Variants in FHIT observed in about 807,000 individuals in gnomAD.
FHIT encodes the protein bis(5'-adenosyl)-triphosphatase.
A neutral mutation model predicts 17.9 loss-of-function variants in FHIT; 19 were observed. The ratio of observed to expected loss-of-function variants is 1.06; its 90% CI spans 0.74 to 1.56. FHIT has a LOEUF of 1.56. Ranked by LOEUF, FHIT falls within the 40% of genes most tolerant of loss-of-function variation. The probability of loss-of-function intolerance (pLI) is 0.00; values close to 1 mark genes in which losing one functional copy is unlikely to be tolerated. For missense variants in FHIT, 248 were observed against 189.2 expected, an observed-to-expected ratio of 1.31 and a Z score of -1.82; for synonymous variants, 81 against 69.7, an observed-to-expected ratio of 1.16 and a Z score of -0.81.
chr3:60,390,274 A>G (rs1701167489), intron 5 of FHIT, among the ~76,000 whole-genome samples: 1 of 152,022 alleles, frequency 6.6e-6, no homozygotes, highest in Admixed American at 6.6e-5. Context: ...TAATATTAAA[A>G]AGATGAAAAA....
chr3:61,134,087 TCA>T (rs1213911703), intron 2 of FHIT, among the ~76,000 whole-genome samples: 1 of 42,560 alleles, frequency 2.3e-5, no homozygotes, highest in South Asian at 8.4e-4. Context: ...AGACTCTGTC[TCA>T]CACACACACA....
intron 4 of FHIT, among the ~76,000 whole-genome samples, chr3:60,754,010 A>G (rs1158279649): frequency 1.3e-5 from 2 of 152,164 alleles, no homozygotes; most frequent in African/African-American, 2.4e-5. Context: ...AAAGGTCAGG[A>G]TCAATAAAAG....
intron 3 of FHIT, among the ~76,000 whole-genome samples, chr3:60,823,430 C>T (rs1454332576): frequency 4.6e-5 from 7 of 152,234 alleles, no homozygotes; most frequent in South Asian, 4.2e-4. Flanking sequence ...TACTGGAGAT[C>T]GGTGGGCAGG....
At position 60,719,069 on chromosome 3, in the gene FHIT, A is replaced by G. The variant is rs554204801; in HGVS notation, c.-18+102850T>C. Among the ~76,000 whole-genome samples, 4 of 152,334 alleles carry G rather than the reference A, an allele frequency of 2.6e-5. No homozygotes were observed. The South Asian group carries it at 8.3e-4, about 32-fold the overall frequency. On this transcript the variant is annotated intron_variant, in intron 4 of 9. Coordinates refer to ENST00000492590, the MANE Select transcript of FHIT (RefSeq NM_002012.4). ...CAGAAATGGTGAAGGCATGCCCAAC[A>G]GCCAGCCCCACTATATCAAGTCCCT...
Position 59,749,370 on chromosome 3 carries a change from C to G in FHIT, c.*215G>C, listed in dbSNP as rs1700758714. 1 of 231,314 alleles carries G rather than the reference C, an allele frequency of 4.3e-6. No homozygotes were observed. The highest frequency in any genetic ancestry group is 8.5e-6 in the Non-Finnish European group (1 of 117,178). The allele number at this position is 231,314 out of a possible 1,614,324, so 14.3% of individuals were successfully genotyped here. ...CGAATAAGGAGACAGGGGGAAACCTCAAATCTGCCTGTCTGAGCCGTTTAG... is the reference window on the plus strand; with the variant it reads ...CGAATAAGGAGACAGGGGGAAACCTGAAATCTGCCTGTCTGAGCCGTTTAG... On this transcript the variant is annotated 3_prime_UTR_variant, in exon 10 of 10. Transcript: ENST00000492590.
At chr3:60,310,788 G>A (rs1708907522) in intron 5 of FHIT, among the ~76,000 whole-genome samples, 2 of 152,070 alleles carry the variant, frequency 1.3e-5, no homozygotes, top group African/African-American at 4.8e-5. Context: ...TTATCTACAT[G>A]GTCCAAGAAT....
At chr3:59,802,171 G>C (rs1303563781) in intron 8 of FHIT, among the ~76,000 whole-genome samples, 1 of 109,142 alleles carries the variant, frequency 9.2e-6, no homozygotes, top group African/African-American at 2.7e-5. Context: ...AATTAGACTT[G>C]TATTAAAAAA....
intron 5 of FHIT, among the ~76,000 whole-genome samples, chr3:60,422,091 G>A (rs1185873090): frequency 6.6e-6 from 1 of 152,138 alleles, no homozygotes; most frequent in African/African-American, 2.4e-5. Flanking sequence ...CTGACCAGCT[G>A]TCAATTTTGT....
chr3:60,148,772 G>A (rs1280807433), intron 5 of FHIT, among the ~76,000 whole-genome samples: 2 of 152,206 alleles, frequency 1.3e-5, no homozygotes, highest in African/African-American at 2.4e-5. Context: ...TTGCTCAGAA[G>A]AGAAAGACAC....
At chr3:60,072,238 A>T (rs1372756518) in intron 5 of FHIT, among the ~76,000 whole-genome samples, 1 of 152,200 alleles carries the variant, frequency 6.6e-6, no homozygotes, top group Non-Finnish European at 1.5e-5. Context: ...CTTCGGATAC[A>T]TTAACCCTAG....
At chr3:60,502,616 T>C (rs1263618543) in intron 5 of FHIT, among the ~76,000 whole-genome samples, 1 of 152,218 alleles carries the variant, frequency 6.6e-6, no homozygotes, top group African/African-American at 2.4e-5. Context: ...TTTAATCATT[T>C]GATAATTTTT....
At chr3:60,068,364 T>G (rs569317984) in intron 5 of FHIT, among the ~76,000 whole-genome samples, 1 of 152,222 alleles carries the variant, frequency 6.6e-6, no homozygotes, top group South Asian at 2.1e-4. Flanking sequence ...ACAGTTTAAG[T>G]GGTCTTGACT....
At chr3:60,782,701 T>C (rs1435833216) in intron 4 of FHIT, among the ~76,000 whole-genome samples, 2 of 152,206 alleles carry the variant, frequency 1.3e-5, no homozygotes, top group Non-Finnish European at 2.9e-5. Context: ...GTGTATTTTA[T>C]AAATAATAGA....
intron 4 of FHIT, among the ~76,000 whole-genome samples, chr3:60,548,630 G>T (rs374655372): frequency 6.6e-6 from 1 of 152,086 alleles, no homozygotes; most frequent in Non-Finnish European, 1.5e-5. Context: ...CTCAAAATGT[G>T]GTCCTCTAAG....
intron 5 of FHIT, among the ~76,000 whole-genome samples, chr3:60,393,372 A>AAT (rs1701306945): frequency 6.6e-6 from 1 of 150,544 alleles, no homozygotes; most frequent in African/African-American, 2.4e-5. Flanking sequence ...TAATTGAAAA[A>AAT]ATATATATAT....
rs1171169152 is a variant in FHIT at position 60,826,143 on chromosome 3, A to G, written c.-110-4132T>C. Among the ~76,000 whole-genome samples, 5 of 143,450 alleles carry G rather than the reference A, an allele frequency of 3.5e-5. No individual in the cohort carries two copies. In the Admixed American group the frequency reaches 3.6e-4, roughly 10 times the overall value. 94.1% of individuals were successfully genotyped at this position (143,450 alleles called of 152,430 possible). ...AAGAAAGGAGGAAAGGGAGGGAGGG[A>G]TGAATGGATGGAAGGAAGGAAGGAA... On this transcript the variant is annotated intron_variant, in intron 3 of 9. Transcript: ENST00000492590.
chr3:59,943,883 A>T (rs571398883), intron 7 of FHIT, among the ~76,000 whole-genome samples: 2 of 152,284 alleles, frequency 1.3e-5, no homozygotes, highest in East Asian at 3.9e-4. Context: ...TGCTACCTGG[A>T]GCAAATTACT....
At chr3:60,862,240 G>T (rs1383127905) in intron 3 of FHIT, among the ~76,000 whole-genome samples, 1 of 152,020 alleles carries the variant, frequency 6.6e-6, no homozygotes, top group African/African-American at 2.4e-5. Context: ...GTGCGGCAGT[G>T]AGATCATAGT....
chr3:60,224,557 G>A (rs1254305500), intron 5 of FHIT, among the ~76,000 whole-genome samples: 1 of 151,952 alleles, frequency 6.6e-6, no homozygotes, highest in Non-Finnish European at 1.5e-5. Context: ...TACCCATGAA[G>A]GCCCAGTTCA....
Sources: allele counts gnomAD v4.1 joint callset (sites outside exome capture counted in the v4.1 genomes callset), GRCh38; gene constraint gnomAD v4.1.1; transcripts MANE v1.5; gene names NCBI Gene and HGNC (gene_info 2026-07-23, HGNC 2026-07-21).